Variants in CNOT7 observed in about 807,000 individuals in gnomAD.
CNOT7 encodes the protein CCR4-NOT transcription complex subunit 7.
CNOT7 carries 4 observed loss-of-function variants against 37.1 expected under a neutral mutation model. The ratio of observed to expected loss-of-function variants is 0.11; its 90% confidence interval spans 0.05 to 0.25. The LOEUF is 0.25. CNOT7 is among the 10% of genes least tolerant of loss of function. CNOT7 has a pLI of 1.00. For synonymous variants in CNOT7, 128 were observed against 115.6 expected, an observed-to-expected ratio of 1.11 and a Z score of -0.69; for missense variants, 170 against 336.2, an observed-to-expected ratio of 0.51 and a Z score of 3.87.
intron 6 of CNOT7, chr8:17,231,824 AAGG>A: frequency 1.0e-6 from 1 of 985,746 alleles, no homozygotes; most frequent in Non-Finnish European, 1.2e-6. Context: ...TTTGCCGTTT[AAGG>A]AGGGTTTTCC....
rs1405230418 is a variant in CNOT7 at position 17,245,125 on chromosome 8, G to C, written c.28C>G (p.Gln10Glu). The change falls in exon 2 of 7, where the codon CAA (glutamine) becomes GAA (glutamate). Residue 10 changes from glutamine to glutamate, a missense_variant. Physicochemically the swap from Gln to Glu is conservative, Grantham distance 29. Coordinates refer to ENST00000361272, the MANE Select transcript of CNOT7 (RefSeq NM_013354.7). Reference protein sequence around the residue: MPAATVDHSQRICEVWACNL... With the variant: MPAATVDHSERICEVWACNL... Reference sequence around the variant, plus strand: ...CAAGCCCAAACTTCACAAATTCTTTGGCTATGATCTACAGTTGCCGCTGGC... The same window carrying C: ...CAAGCCCAAACTTCACAAATTCTTTCGCTATGATCTACAGTTGCCGCTGGC... 3.7e-6 allele frequency: 6 copies of C among 1,613,346 alleles called. No individual in the cohort carries two copies. Among genetic ancestry groups the C allele is most frequent in the South Asian group, 2.2e-5 (2 of 91,032 alleles).
At position 17,245,220 on chromosome 8, in the gene CNOT7, T is replaced by C. The variant is rs1810755228; in HGVS notation, c.-68A>G. ...TATACTTGATTGAAGATTTGTTTCATAAAATATTTTATCCTTTATTTATGT... is the reference window on the plus strand; with the variant it reads ...TATACTTGATTGAAGATTTGTTTCACAAAATATTTTATCCTTTATTTATGT... On this transcript the variant is annotated 5_prime_UTR_variant, in exon 2 of 7. It removes an upstream start codon present in the reference 5' UTR. Coordinates refer to ENST00000361272, the MANE Select transcript of CNOT7 (RefSeq NM_013354.7). 1.4e-6 allele frequency: 2 copies of C among 1,476,764 alleles called. No individual in the cohort carries two copies. The highest frequency in any genetic ancestry group is 1.4e-5 in the African/African-American group (1 of 69,764). The allele number at this position is 1,476,764 out of a possible 1,614,324, so 91.5% of individuals were successfully genotyped here.
rs1808266613 is a variant in CNOT7, at chr8:17,227,948, A to G, written c.*2772T>C. On this transcript the variant is annotated 3_prime_UTR_variant, in exon 7 of 7. Coordinates refer to ENST00000361272, the MANE Select transcript of CNOT7 (RefSeq NM_013354.7). ...ATCACCATGATTCTGTAGCTTGCCAAGCGGCAATGTGAAACAAGACACACA... is the reference window on the plus strand; with the variant it reads ...ATCACCATGATTCTGTAGCTTGCCAGGCGGCAATGTGAAACAAGACACACA... The G allele has an allele frequency of 6.6e-6, 1 of 151,950 alleles. No individual in the cohort carries two copies. The highest frequency in any genetic ancestry group is 1.5e-5 in the Non-Finnish European group (1 of 67,842). The allele number at this position is 151,950 out of a possible 1,614,324, so 9.4% of individuals were successfully genotyped here. A position where few individuals can be genotyped will look rare whatever the true frequency, so the allele number is the denominator to read the frequency against.
intron 3 of CNOT7, among the ~76,000 whole-genome samples, chr8:17,239,340 G>A (rs1294059673): frequency 1.3e-5 from 2 of 152,026 alleles, no homozygotes; most frequent in Non-Finnish European, 2.9e-5. Context: ...TTACAGGAAT[G>A]GGCTACTGCA....
At chr8:17,230,913 T>C (rs958866241) in intron 6 of CNOT7, 65 bp from the exon 7 acceptor site, 2 of 1,223,270 alleles carry the variant, frequency 1.6e-6, no homozygotes, top group Non-Finnish European at 2.3e-6. Flanking sequence ...TTGTAATTTA[T>C]ATTTCAGCAA....
At chr8:17,243,374 C>T (rs1310815002) in intron 2 of CNOT7, 189 bp from the exon 3 acceptor site, 1 of 641,712 alleles carries the variant, frequency 1.6e-6, no homozygotes, top group East Asian at 2.8e-5. Context: ...AACTTAATAA[C>T]CTTTCCTTAA....
At chr8:17,239,946 C>G (rs117279620) in intron 3 of CNOT7, among the ~76,000 whole-genome samples, 1 of 152,156 alleles carries the variant, frequency 6.6e-6, no homozygotes, top group Non-Finnish European at 1.5e-5. Context: ...AATTCCCATA[C>G]GTTACAATTG....
rs1375422953 is a variant in CNOT7 at position 17,237,331 on chromosome 8, T to C, written c.354A>G (p.Thr118=). ...CATGTTTTTTAAACTGGATACCAGA[T>C]GTTGTTAGTAGCTCTATAGAGTCCT... ...YAQDSIELLT[T]SGIQFKKHEE... The change falls in exon 4 of 7, where the codon ACA becomes ACG. Residue 118 remains threonine, a synonymous_variant. Coordinates refer to ENST00000361272, the MANE Select transcript of CNOT7 (RefSeq NM_013354.7). 1 of 1,614,128 alleles carries C rather than the reference T, an allele frequency of 6.2e-7. No individual in the cohort carries two copies. Among genetic ancestry groups the C allele is most frequent in the Admixed American group, 1.7e-5 (1 of 60,026 alleles).
At chr8:17,235,487 T>G (rs1809224048) in intron 4 of CNOT7, among the ~76,000 whole-genome samples, 1 of 152,176 alleles carries the variant, frequency 6.6e-6, no homozygotes, top group Non-Finnish European at 1.5e-5. Context: ...ATGCTGCACA[T>G]GGAAGAAGTG....
At chr8:17,241,377 G>A (rs1160342111) in intron 3 of CNOT7, 1 of 151,434 alleles carries the variant, frequency 6.6e-6, no homozygotes, top group Non-Finnish European at 1.5e-5. Flanking sequence ...CAAATGGAGA[G>A]TATATTATTA....
At chr8:17,243,358 T>G (rs1253627076) in intron 2 of CNOT7, 173 bp from the exon 3 acceptor site, 6 of 641,160 alleles carry the variant, frequency 9.4e-6, no homozygotes, top group Non-Finnish European at 1.6e-5. Flanking sequence ...ACCATAAAAC[T>G]CTATAAACTT....
Position 17,230,664 on chromosome 8 carries a change from A to T in CNOT7, c.*56T>A, listed in dbSNP as rs1808496300. ...GTTCGAGGGATTCAACCAGAGATAA[A>T]ACCTATATACAAGCATGTGTGTAGC... On this transcript the variant is annotated 3_prime_UTR_variant, in exon 7 of 7. Coordinates refer to ENST00000361272, the MANE Select transcript of CNOT7 (RefSeq NM_013354.7). 2 of 1,480,572 alleles carry T rather than the reference A, an allele frequency of 1.4e-6. No individual in the cohort carries two copies. The highest frequency in any genetic ancestry group is 4.7e-5 in the East Asian group (2 of 42,634). The allele number at this position is 1,480,572 out of a possible 1,614,324, so 91.7% of individuals were successfully genotyped here.
Position 17,226,847 on chromosome 8 carries a change from A to G in CNOT7, c.*3873T>C, listed in dbSNP as rs1363818032. 6.6e-6 allele frequency: 1 copy of G among 151,750 alleles called. No individual in the cohort carries two copies. Among genetic ancestry groups the G allele is most frequent in the African/African-American group, 2.4e-5 (1 of 41,376 alleles). 9.4% of individuals were successfully genotyped at this position (151,750 alleles called of 1,614,324 possible). Reference sequence around the variant, plus strand: ...AGTCTGTGGCAAAAGTTAATTTCCAAAGTTACTCAGTGTTAAAAAACAGTG... The same window carrying G: ...AGTCTGTGGCAAAAGTTAATTTCCAGAGTTACTCAGTGTTAAAAAACAGTG... On this transcript the variant is annotated 3_prime_UTR_variant, in exon 7 of 7. Transcript: ENST00000361272.
chr8:17,243,366 C>A (rs1279971311), intron 2 of CNOT7, 181 bp from the exon 3 acceptor site: 10 of 641,346 alleles, frequency 1.6e-5, no homozygotes, highest in Non-Finnish European at 2.2e-5. Context: ...ACTCTATAAA[C>A]TTAATAACCT....
rs772949231 is a variant in CNOT7 at position 17,245,200 on chromosome 8, T to C, written c.-48A>G. ...GATGCCAAGCATCAAAATGTTATAC[T>C]TGATTGAAGATTTGTTTCATAAAAT... On this transcript the variant is annotated 5_prime_UTR_variant, in exon 2 of 7. Transcript: ENST00000361272. The C allele has an allele frequency of 2.6e-5, 40 of 1,538,584 alleles. No homozygotes were observed. The highest frequency in any genetic ancestry group is 3.4e-5 in the Non-Finnish European group (39 of 1,144,800).
intron 5 of CNOT7, 75 bp from the exon 6 acceptor site, chr8:17,232,612 C>G (rs914294104): frequency 2.4e-6 from 3 of 1,275,026 alleles, no homozygotes; most frequent in Non-Finnish European, 1.1e-6. Context: ...TAAACTTAGA[C>G]GCTGACCAAA....
chr8:17,231,585 A>G (rs1808617343), intron 6 of CNOT7: 3 of 985,298 alleles, frequency 3.0e-6, no homozygotes, highest in Non-Finnish European at 3.6e-6. Context: ...CTCAGTCTCA[A>G]TTTAATGTCT....
At chr8:17,241,824 T>G (rs1032629503) in intron 3 of CNOT7, 2 of 152,268 alleles carry the variant, frequency 1.3e-5, no homozygotes, top group South Asian at 2.1e-4. Flanking sequence ...AAAAAAATCA[T>G]CAAACTTCTA....
chr8:17,232,362 C>T, intron 6 of CNOT7, 65 bp downstream of exon 6: 2 of 1,610,240 alleles, frequency 1.2e-6, no homozygotes, highest in South Asian at 2.2e-5. Flanking sequence ...AAATCTTTGG[C>T]CACAAGATTT....
Sources: allele counts gnomAD v4.1 joint callset (sites outside exome capture counted in the v4.1 genomes callset), GRCh38; gene constraint gnomAD v4.1.1; transcripts MANE v1.5; gene names NCBI Gene and HGNC (gene_info 2026-07-23, HGNC 2026-07-21).